Variants in C18orf63 observed in about 807,000 individuals in gnomAD.
The protein encoded by C18orf63 is uncharacterized protein C18orf63.
Under a neutral mutation model 75.3 loss-of-function variants are expected in C18orf63, and 50 were observed. The ratio of observed to expected loss-of-function variants is 0.66; its 90% CI spans 0.53 to 0.84. C18orf63 has a LOEUF of 0.84. Ranked by LOEUF, C18orf63 falls within the 40% of genes least tolerant of loss-of-function variation. The pLI is 0.00. For missense variants in C18orf63, 732 were observed against 800.2 expected, an observed-to-expected ratio of 0.91 and a Z score of 1.03; for synonymous variants, 232 against 267.6, an observed-to-expected ratio of 0.87 and a Z score of 1.30.
chr18:74,325,289 A>G (rs989252557), intron 4 of C18orf63, among the ~76,000 whole-genome samples: 4 of 152,106 alleles, frequency 2.6e-5, no homozygotes, highest in African/African-American at 4.8e-5. Flanking sequence ...TTTTTGATCT[A>G]TGGGTTATTT....
chr18:74,340,939 T>C (rs527987188), intron 8 of C18orf63, among the ~76,000 whole-genome samples: 11 of 152,018 alleles, frequency 7.2e-5, no homozygotes, highest in Non-Finnish European at 1.5e-4. Flanking sequence ...AAAGATCTGT[T>C]GTACAGCATA....
Position 74,330,940 on chromosome 18 carries a change from G to A in C18orf63, c.499G>A (p.Glu167Lys). ...EACTIRLPAP[E>K]LKEFEISQSI... ...TTGCACAATCAGACTGCCAGCACCTGAGGTACCATATATTGTGATTTCTAT... is the reference window on the plus strand; with the variant it reads ...TTGCACAATCAGACTGCCAGCACCTAAGGTACCATATATTGTGATTTCTAT... Residue 167 changes from glutamate (E) to lysine (K), a missense_variant and splice_region_variant, in exon 7 of 14, where the codon GAG (glutamate) becomes AAG (lysine). Glu to Lys is a moderately conservative substitution (Grantham distance 56, BLOSUM62 1). Around this residue, in one of 3 missense-constraint regions of C18orf63, gnomAD observed 233 missense variants for 272.7 expected, o/e 0.85. Transcript: ENST00000579455. 1 of 1,412,306 alleles carries A rather than the reference G, an allele frequency of 7.1e-7. No individual in the cohort carries two copies. The highest frequency in any genetic ancestry group is 1.4e-5 in the South Asian group (1 of 73,322). 87.5% of individuals were successfully genotyped at this position (1,412,306 alleles called of 1,614,324 possible). A position where few individuals can be genotyped will look rare whatever the true frequency, so the allele number is the denominator to read the frequency against.
At chr18:74,320,288 A>C (rs764143238) in intron 2 of C18orf63, among the ~76,000 whole-genome samples, 12 of 152,150 alleles carry the variant, frequency 7.9e-5, no homozygotes, top group Non-Finnish European at 1.6e-4. Flanking sequence ...TTCTAATGGC[A>C]GCAAGAGAGA....
intron 2 of C18orf63, among the ~76,000 whole-genome samples, 166 bp from the exon 3 acceptor site, chr18:74,320,347 A>G (rs1984098735): frequency 2.0e-5 from 3 of 152,248 alleles, no homozygotes; most frequent in Admixed American, 1.3e-4. Flanking sequence ...ATCTAATGGG[A>G]ACTCACTATC....
intron 8 of C18orf63, among the ~76,000 whole-genome samples, chr18:74,339,720 A>G (rs909163560): frequency 6.6e-6 from 1 of 152,210 alleles, no homozygotes; most frequent in Non-Finnish European, 1.5e-5. Context: ...TATGCAGGTG[A>G]CATGATCTTA....
intron 7 of C18orf63, among the ~76,000 whole-genome samples, chr18:74,332,495 G>A (rs1018373474): frequency 6.6e-6 from 1 of 152,100 alleles, no homozygotes; most frequent in African/African-American, 2.4e-5. Context: ...ACGAGGTTAG[G>A]AGTATAAGAC....
At chr18:74,351,805 A>ATTTT (rs1984671772) in intron 11 of C18orf63, among the ~76,000 whole-genome samples, 1 of 152,158 alleles carries the variant, frequency 6.6e-6, no homozygotes, top group Admixed American at 6.5e-5. Context: ...CAACAATGGA[A>ATTTT]CCTCCAGTAG....
chr18:74,320,369 A>T, intron 2 of C18orf63, 144 bp from the exon 3 acceptor site: 1 of 521,140 alleles, frequency 1.9e-6, no homozygotes. Flanking sequence ...CTAGAGCAAC[A>T]GGGGGGAAAT....
chr18:74,328,335 A>T (rs1003893011), intron 5 of C18orf63, among the ~76,000 whole-genome samples: 4 of 152,138 alleles, frequency 2.6e-5, no homozygotes, highest in Non-Finnish European at 5.9e-5. Context: ...CATGAGACTT[A>T]TTCACCATCA....
chr18:74,323,057 T>C (rs1490004594), intron 4 of C18orf63, among the ~76,000 whole-genome samples: 1 of 152,244 alleles, frequency 6.6e-6, no homozygotes, highest in Non-Finnish European at 1.5e-5. Flanking sequence ...GTTGGGATTA[T>C]TGTCCACATT....
rs1346192111 is a variant in C18orf63, at chr18:74,354,508, G to C, written c.2053G>C (p.Ala685Pro). The C allele has an allele frequency of 1.4e-5, 20 of 1,445,974 alleles. No individual in the cohort carries two copies. The highest frequency in any genetic ancestry group is 1.9e-5 in the Non-Finnish European group (20 of 1,067,626). 89.6% of individuals were successfully genotyped at this position (1,445,974 alleles called of 1,614,324 possible). The change falls in exon 13 of 14, where the codon GCT becomes CCT. Residue 685 changes from alanine (A) to proline (P), a missense_variant. Physicochemically the swap from Ala to Pro is conservative, Grantham distance 27. Around this residue, in one of 3 missense-constraint regions of C18orf63, gnomAD observed 495 missense variants for 508.7 expected, o/e 0.97. Coordinates refer to ENST00000579455, the MANE Select transcript of C18orf63 (RefSeq NM_001174123.2). ...TAAGAAATCTCTCATCATTCATAAT[G>C]CTTAGAACATGGACCTGAAAGAAGG... ...KLKKSLIIHN[A>P]
chr18:74,359,132 T>C lies in C18orf63; in HGVS notation c.*2685T>C, dbSNP rs574155064. 1 of 152,326 alleles carries C rather than the reference T, an allele frequency of 6.6e-6. No homozygotes were observed. Among genetic ancestry groups the C allele is most frequent in the African/African-American group, 2.4e-5 (1 of 41,580 alleles). 9.4% of individuals were successfully genotyped at this position (152,326 alleles called of 1,614,324 possible). ...TTTGATGTTTAAAATGTTCACTTTG[T>C]TGTACGTTACATAGTGTCTTATTCA... On this transcript the variant is annotated 3_prime_UTR_variant, in exon 14 of 14. Transcript: ENST00000579455.
chr18:74,320,742 C>T (rs1433759025), intron 3 of C18orf63, among the ~76,000 whole-genome samples, 151 bp downstream of exon 3: 2 of 152,260 alleles, frequency 1.3e-5, no homozygotes, highest in Non-Finnish European at 2.9e-5. Flanking sequence ...TATTAACAAA[C>T]TAATATTGAA....
intron 7 of C18orf63, among the ~76,000 whole-genome samples, chr18:74,338,120 G>A (rs1984421891): frequency 6.6e-6 from 1 of 152,100 alleles, no homozygotes; most frequent in African/African-American, 2.4e-5. Context: ...AACTGGAACA[G>A]TGCCTCTCAG....
chr18:74,346,076 T>G (rs1213832064), intron 11 of C18orf63, among the ~76,000 whole-genome samples: 1 of 149,940 alleles, frequency 6.7e-6, no homozygotes, highest in Non-Finnish European at 1.5e-5. Context: ...TATATATTCT[T>G]TAATTTATCT....
At chr18:74,354,406 T>A in intron 12 of C18orf63, 51 bp from the exon 13 acceptor site, 1 of 1,269,984 alleles carries the variant, frequency 7.9e-7, no homozygotes, top group East Asian at 2.5e-5. Context: ...AGAGCGACTG[T>A]AAGTCTATGC....
Position 74,338,699 on chromosome 18 carries a change from TTA to T in C18orf63, c.502-14_502-13del. On this transcript the variant is annotated splice_polypyrimidine_tract_variant and intron_variant, in intron 7 of 13. Coordinates refer to ENST00000579455, the MANE Select transcript of C18orf63 (RefSeq NM_001174123.2). ...CAAATGATTTGAGGACTTACAAATC[TTA>T]TTTCTATTAAAAGCTAAAAGAGTTT... The T allele has an allele frequency of 8.6e-7, 1 of 1,160,730 alleles. No individual in the cohort carries two copies. The highest frequency in any genetic ancestry group is 1.1e-6 in the Non-Finnish European group (1 of 882,058). The allele number at this position is 1,160,730 out of a possible 1,614,324, so 71.9% of individuals were successfully genotyped here.
At chr18:74,334,889 T>G (rs1012109828) in intron 7 of C18orf63, among the ~76,000 whole-genome samples, 2 of 152,166 alleles carry the variant, frequency 1.3e-5, no homozygotes, top group African/African-American at 4.8e-5. Context: ...AGACTATGAA[T>G]TGTTTCTCAA....
intron 11 of C18orf63, among the ~76,000 whole-genome samples, chr18:74,350,296 A>G (rs895376733): frequency 2.6e-5 from 4 of 152,168 alleles, no homozygotes; most frequent in African/African-American, 9.7e-5. Flanking sequence ...TTACAGGTTG[A>G]ATTGTGTACC....
Sources: allele counts gnomAD v4.1 joint callset (sites outside exome capture counted in the v4.1 genomes callset), GRCh38; gene constraint gnomAD v4.1.1; regional missense constraint gnomAD v4.1.1; transcripts MANE v1.5; gene names NCBI Gene and HGNC (gene_info 2026-07-23, HGNC 2026-07-21).